Variants in TENM2 observed in about 807,000 individuals in gnomAD.
TENM2 encodes teneurin transmembrane protein 2, also known as teneurin-2.
TENM2 carries 52 observed loss-of-function variants against 245.2 expected under a neutral mutation model. The ratio of observed to expected loss-of-function variants is 0.21; its 90% CI spans 0.17 to 0.27. The LOEUF (loss-of-function observed/expected upper bound fraction) is 0.27. Ranked by LOEUF, TENM2 falls within the 10% of genes least tolerant of loss-of-function variation. TENM2 has a pLI of 1.00. For missense variants in TENM2, 3,046 were observed against 3,666.8 expected, an observed-to-expected ratio of 0.83 and a Z score of 4.37; for synonymous variants, 1,363 against 1,438.9, an observed-to-expected ratio of 0.95 and a Z score of 1.19.
intron 2 of TENM2, among the ~76,000 whole-genome samples, chr5:167,564,129 A>G (rs759658365): frequency 6.6e-5 from 10 of 152,334 alleles, no homozygotes; most frequent in African/African-American, 1.4e-4. Context: ...TCAGTAAACC[A>G]TATAGTGATT....
chr5:168,047,610 G>C, intron 6 of TENM2, 61 bp downstream of exon 8: 1 of 1,524,236 alleles, frequency 6.6e-7, no homozygotes, highest in Non-Finnish European at 8.8e-7. Context: ...GCTCTCGCCA[G>C]CTGGTTCAGG....
intron 3 of TENM2, among the ~76,000 whole-genome samples, chr5:167,942,780 G>A (rs1271501929): frequency 1.3e-5 from 2 of 152,050 alleles, no homozygotes; most frequent in African/African-American, 2.4e-5. Context: ...ATTTTAATTG[G>A]GAGGTAAAGA....
the TENM2 span, among the ~76,000 whole-genome samples, chr5:167,245,508 C>CT: frequency 0.26 from 37,530 of 145,624 alleles, 5,692 homozygotes; most frequent in East Asian, 0.47. Context: ...CCAGCCTTTT[C>CT]TTTTTCTTTT....
the TENM2 span, among the ~76,000 whole-genome samples, chr5:167,091,108 G>T: frequency 1.5e-3 from 235 of 151,802 alleles, 2 homozygotes; most frequent in African/African-American, 5.1e-3. Flanking sequence ...AGAAGCTGGG[G>T]TTTTTTTTGT....
intron 2 of TENM2, among the ~76,000 whole-genome samples, chr5:167,448,050 A>G (rs1338354192): frequency 1.3e-5 from 2 of 152,156 alleles, no homozygotes; most frequent in Admixed American, 1.3e-4. Flanking sequence ...AGTGGGATAA[A>G]AATTCCTTTC....
intron 2 of TENM2, among the ~76,000 whole-genome samples, chr5:167,415,369 A>C (rs1245332294): frequency 1.3e-5 from 2 of 152,280 alleles, no homozygotes; most frequent in South Asian, 2.1e-4. Context: ...TTCTAGCATT[A>C]TGTTTTCAGG....
chr5:167,725,442 T>C (rs1360443023), intron 2 of TENM2, among the ~76,000 whole-genome samples: 1 of 152,234 alleles, frequency 6.6e-6, no homozygotes, highest in East Asian at 1.9e-4. Context: ...CATATTTTTC[T>C]CCTAGCACTG....
At chr5:167,317,511 G>C (rs1756438838) in intron 1 of TENM2, among the ~76,000 whole-genome samples, 1 of 151,376 alleles carries the variant, frequency 6.6e-6, no homozygotes, top group Non-Finnish European at 1.5e-5. Flanking sequence ...ATGGATCCCT[G>C]AGCATCTGTC....
At chr5:167,520,976 T>C (rs1383704093) in intron 2 of TENM2, among the ~76,000 whole-genome samples, 2 of 149,710 alleles carry the variant, frequency 1.3e-5, no homozygotes, top group Non-Finnish European at 3.0e-5. Flanking sequence ...TACCACAAAC[T>C]GCCTATAAAT....
chr5:167,673,389 G>T (rs1050089674), intron 2 of TENM2, among the ~76,000 whole-genome samples: 2 of 152,036 alleles, frequency 1.3e-5, no homozygotes, highest in Admixed American at 6.6e-5. Flanking sequence ...AAATAAGTTT[G>T]CTCAGTACTC....
intron 7 of TENM2, among the ~76,000 whole-genome samples, chr5:168,088,926 G>A (rs1272154417): frequency 6.6e-6 from 1 of 152,186 alleles, no homozygotes; most frequent in Admixed American, 6.5e-5. Flanking sequence ...GTTGATGTCT[G>A]TAACCCATAA....
At chr5:168,126,849 G>C (rs368507082) in exon 12 of TENM2, 2 of 1,610,764 alleles carry the variant, frequency 1.2e-6, no homozygotes, top group Non-Finnish European at 1.7e-6. Flanking sequence ...TGACCAGCGC[G>C]TGTGCCACCC....
At position 167,678,231 on chromosome 5, in the gene TENM2, CCTAATT is replaced by C. The variant is rs1756465135; in HGVS notation, c.503-197752_503-197747del. Among the ~76,000 whole-genome samples the C allele has an allele frequency of 2.0e-5, 3 of 151,992 alleles. No homozygotes were observed. The South Asian group carries it at 6.2e-4, about 32-fold the overall frequency. On this transcript the variant is annotated intron_variant, in intron 2 of 28. Coordinates refer to ENST00000518659, the Ensembl canonical transcript of TENM2. Reference sequence around the variant, plus strand: ...TTTTTGTGATTTTTATTTTGTATTTCCTAATTCTCTACGATTAACATATGTTATATT... The same window carrying C: ...TTTTTGTGATTTTTATTTTGTATTTCCTCTACGATTAACATATGTTATATT...
chr5:167,283,251 G>A (rs1771157396), upstream of TENM2, among the ~76,000 whole-genome samples: 1 of 151,848 alleles, frequency 6.6e-6, no homozygotes, highest in African/African-American at 2.4e-5. Flanking sequence ...GTTTCACTAT[G>A]TTGGCCAACC....
intron 5 of TENM2, among the ~76,000 whole-genome samples, chr5:168,040,172 A>G (rs1017870049): frequency 2.6e-5 from 4 of 152,164 alleles, no homozygotes; most frequent in African/African-American, 9.7e-5. Context: ...AAGCCTTGCT[A>G]CTTTTGTGAG....
chr5:168,250,563 T>C (rs1767023959), intron 27 of TENM2, among the ~76,000 whole-genome samples: 1 of 152,154 alleles, frequency 6.6e-6, no homozygotes, highest in Non-Finnish European at 1.5e-5. Flanking sequence ...CTAAGCCCCA[T>C]GCTGCAGAAA....
At chr5:168,203,700 T>C in exon 18 of TENM2, 1 of 1,608,228 alleles carries the variant, frequency 6.2e-7, no homozygotes, top group Non-Finnish European at 8.5e-7. Context: ...GTCTGTCGGG[T>C]TTGAATATGA....
intron 1 of TENM2, among the ~76,000 whole-genome samples, chr5:167,300,645 A>C (rs547840365): frequency 6.6e-6 from 1 of 152,108 alleles, no homozygotes; most frequent in South Asian, 2.1e-4. Flanking sequence ...ATTGGCATGG[A>C]GGGGGGTAAG....
the TENM2 span, among the ~76,000 whole-genome samples, chr5:167,077,570 A>G: frequency 2.0e-5 from 3 of 152,230 alleles, no homozygotes; most frequent in African/African-American, 4.8e-5. Context: ...ATCATAAAGA[A>G]TATGATCGGA....
Sources: allele counts gnomAD v4.1 joint callset (sites outside exome capture counted in the v4.1 genomes callset), GRCh38; gene constraint gnomAD v4.1.1; transcripts MANE v1.5; gene names NCBI Gene and HGNC (gene_info 2026-07-23, HGNC 2026-07-21).